Variants in FREM1 observed in about 807,000 individuals in gnomAD.
FREM1 encodes the protein FRAS1 related extracellular matrix 1, also known as FRAS1-related extracellular matrix protein 1.
FREM1 carries 220 observed loss-of-function variants against 210.1 expected under a neutral mutation model. The ratio of observed to expected loss-of-function variants is 1.05; its 90% CI spans 0.94 to 1.17. The LOEUF (loss-of-function observed/expected upper bound fraction) is 1.17, where lower values mean the gene tolerates loss of function less well. Ranked by LOEUF, FREM1 falls within the 50% of genes most tolerant of loss-of-function variation. FREM1 has a pLI of 0.00. For missense variants in FREM1, 3,454 were observed against 2,675.5 expected, an observed-to-expected ratio of 1.29 and a Z score of -6.42; for synonymous variants, 1,189 against 980.2, an observed-to-expected ratio of 1.21 and a Z score of -3.98.
At chr9:14,841,408 C>T (rs1825677382) in intron 10 of FREM1, 39 bp downstream of exon 10, 1 of 1,526,662 alleles carries the variant, frequency 6.6e-7, no homozygotes, top group Non-Finnish European at 8.9e-7. Context: ...GACACCTGTG[C>T]ACAAGACTTT....
At chr9:14,761,389 A>AT (rs1222871914) in intron 27 of FREM1, among the ~76,000 whole-genome samples, 2 of 152,180 alleles carry the variant, frequency 1.3e-5, no homozygotes, top group African/African-American at 4.8e-5. Flanking sequence ...CAGATTTAAA[A>AT]TTTATTGTTT....
intron 4 of FREM1, 59 bp from the exon 5 acceptor site, chr9:14,857,808 G>A: frequency 7.8e-7 from 1 of 1,282,860 alleles, no homozygotes. Context: ...GTAAAATTTA[G>A]AAACCAGTAC....
chr9:14,848,701 C>T lies in FREM1; in HGVS notation c.1225G>A (p.Ala409Thr). The change falls in exon 7 of 37, where the codon GCA becomes ACA. Residue 409 changes from alanine (A) to threonine (T), a missense_variant. Ala to Thr is a moderately conservative substitution (Grantham distance 58). Coordinates refer to ENST00000380880, the MANE Select transcript of FREM1 (RefSeq NM_001379081.2). Reference sequence around the variant, plus strand: ...GATACACGGGGGGCATTTGTATCTGCTGTTCTGATGGAGATGTGGACTGTC... The same window carrying T: ...GATACACGGGGGGCATTTGTATCTGTTGTTCTGATGGAGATGTGGACTGTC... ...PMTVHISIRT[A>T]DTNAPRVSWN... The T allele has an allele frequency of 1.2e-6, 2 of 1,612,410 alleles. No individual in the cohort carries two copies. Among genetic ancestry groups the T allele is most frequent in the Middle Eastern group, 1.7e-4 (1 of 6,054 alleles).
intron 1 of FREM1, among the ~76,000 whole-genome samples, chr9:14,877,861 A>T (rs1357005241): frequency 6.6e-6 from 1 of 152,190 alleles, no homozygotes; most frequent in Non-Finnish European, 1.5e-5. Context: ...TTGTGAGATA[A>T]ATTTGTATTG....
At chr9:14,877,663 G>A (rs1043810483) in intron 1 of FREM1, among the ~76,000 whole-genome samples, 3 of 152,038 alleles carry the variant, frequency 2.0e-5, no homozygotes, top group African/African-American at 7.3e-5. Flanking sequence ...GAAGAAGCAA[G>A]CCTCCATGGA....
intron 1 of FREM1, among the ~76,000 whole-genome samples, chr9:14,879,002 T>C (rs1169222994): frequency 2.0e-5 from 3 of 151,686 alleles, no homozygotes; most frequent in South Asian, 2.1e-4. Flanking sequence ...ACTAAAAATA[T>C]GAAAATTAGC....
In FREM1 at chr9:14,788,912, C is replaced by T; in HGVS notation, c.4177+7G>A. On this transcript the variant is annotated splice_region_variant and intron_variant, in intron 23 of 36. Transcript: ENST00000380880. ...ATCCCAGTAAACCTTGGTAGACGTG[C>T]TTTTACCTTTTTCCATGTCCTTGAT... 2 of 1,608,158 alleles carry T rather than the reference C, an allele frequency of 1.2e-6. No individual in the cohort carries two copies. The highest frequency in any genetic ancestry group is 1.7e-6 in the Non-Finnish European group (2 of 1,177,146).
At chr9:14,795,593 T>C (rs954175456) in intron 21 of FREM1, among the ~76,000 whole-genome samples, 5 of 152,192 alleles carry the variant, frequency 3.3e-5, no homozygotes, top group Non-Finnish European at 5.9e-5. Context: ...GGAGGGTTTT[T>C]GAAGCAGGGT....
rs186002126 is a variant in FREM1 at position 14,759,338 on chromosome 9, C to T, written c.5334+434G>A. 3.0e-4 allele frequency among the ~76,000 whole-genome samples: 45 copies of T among 151,932 alleles called. No homozygotes were observed. The East Asian group carries it at 7.0e-3, about 24-fold the overall frequency. On this transcript the variant is annotated intron_variant, in intron 28 of 36. Coordinates refer to ENST00000380880, the MANE Select transcript of FREM1 (RefSeq NM_001379081.2). ...CAGCCTGGCCAACATGGTGAAACCCCGTCTCCACTAAAAATACAAAAATTA... is the reference window on the plus strand; with the variant it reads ...CAGCCTGGCCAACATGGTGAAACCCTGTCTCCACTAAAAATACAAAAATTA...
rs558836604 is a variant in FREM1, at chr9:14,852,884, C to T, written c.829-1277G>A. Among the ~76,000 whole-genome samples, 47 of 152,218 alleles carry T rather than the reference C, an allele frequency of 3.1e-4. 1 individual carries two copies. The highest frequency in any genetic ancestry group is 1.1e-3 in the African/African-American group (46 of 41,536). ...GTTCCAATAAAAGAGATTAGATGTG[C>T]AACTGAATGTAAGACAGGTAGTAAA... is the stretch of plus-strand genomic sequence containing the variant. On this transcript the variant is annotated intron_variant, in intron 5 of 36. Coordinates refer to ENST00000380880, the MANE Select transcript of FREM1 (RefSeq NM_001379081.2).
At chr9:14,842,197 C>G in intron 9 of FREM1, 119 bp downstream of exon 9, 1 of 651,424 alleles carries the variant, frequency 1.5e-6, no homozygotes, top group Non-Finnish European at 2.7e-6. Flanking sequence ...ACTTCAGAAA[C>G]TTGATGTTCA....
intron 1 of FREM1, among the ~76,000 whole-genome samples, chr9:14,890,732 G>T (rs1414549526): frequency 6.6e-6 from 1 of 152,148 alleles, no homozygotes; most frequent in Non-Finnish European, 1.5e-5. Flanking sequence ...CCAGACGTCT[G>T]CCTGTTTCTA....
intron 5 of FREM1, among the ~76,000 whole-genome samples, chr9:14,856,727 G>A (rs916763075): frequency 6.6e-6 from 1 of 151,944 alleles, no homozygotes; most frequent in Non-Finnish European, 1.5e-5. Flanking sequence ...CAGCTACTCG[G>A]GAGGCTGAGG....
chr9:14,792,274 A>ACGCG (rs1554665385), intron 22 of FREM1, among the ~76,000 whole-genome samples: 6 of 78,218 alleles, frequency 7.7e-5, no homozygotes, highest in African/African-American at 2.1e-4. Flanking sequence ...ACACACACGC[A>ACGCG]CACACACACA....
At chr9:14,884,644 G>A (rs1014667416) in intron 1 of FREM1, among the ~76,000 whole-genome samples, 5 of 152,036 alleles carry the variant, frequency 3.3e-5, no homozygotes, top group African/African-American at 1.2e-4. Flanking sequence ...AACTATATGA[G>A]CATGTATTCT....
At chr9:14,879,060 G>C (rs968813453) in intron 1 of FREM1, among the ~76,000 whole-genome samples, 1 of 151,376 alleles carries the variant, frequency 6.6e-6, no homozygotes, top group Admixed American at 6.6e-5. Context: ...AGGAGGCTGA[G>C]GCAGGAGAAC....
chr9:14,874,426 C>T (rs1833306183), intron 1 of FREM1, among the ~76,000 whole-genome samples: 2 of 150,192 alleles, frequency 1.3e-5, no homozygotes, highest in Non-Finnish European at 3.0e-5. Context: ...ATGTAATGGC[C>T]TTCTTTGTCT....
chr9:14,786,953 C>T (rs1850520697), intron 23 of FREM1, among the ~76,000 whole-genome samples: 1 of 152,096 alleles, frequency 6.6e-6, no homozygotes, highest in Admixed American at 6.6e-5. Flanking sequence ...GAAGAGCAAC[C>T]AGCTCTTGCC....
intron 10 of FREM1, among the ~76,000 whole-genome samples, chr9:14,825,764 C>G (rs994609563): frequency 2.0e-5 from 3 of 151,888 alleles, no homozygotes; most frequent in Admixed American, 6.6e-5. Context: ...CCACATATAA[C>G]ACATCACCAA....
Sources: gnomAD v4.1 joint callset for allele counts (sites outside exome capture counted in the v4.1 genomes callset) on GRCh38, gnomAD v4.1.1 for gene constraint, MANE v1.5 for transcripts, NCBI Gene and HGNC (gene_info 2026-07-23, HGNC 2026-07-21) for gene names.